Variants in RBM45 observed in about 807,000 individuals in gnomAD.
The protein encoded by RBM45 is RNA binding motif protein 45, also known as RNA-binding protein 45.
Under a neutral mutation model 58.5 loss-of-function variants are expected in RBM45, and 39 were observed. The observed-to-expected ratio is 0.67, with a 90% confidence interval of 0.52 to 0.87. The LOEUF is 0.87. Ranked by LOEUF, RBM45 falls within the 40% of genes least tolerant of loss-of-function variation. The pLI is 0.00. For missense variants in RBM45, 481 were observed against 581.6 expected (o/e 0.83, Z 1.78); for synonymous variants, 193 against 203.0 (o/e 0.95, Z 0.42).
At chr2:178,119,118 TTGTC>T (rs1178362935) in intron 3 of RBM45, among the ~76,000 whole-genome samples, 2 of 152,200 alleles carry the variant, frequency 1.3e-5, no homozygotes, top group African/African-American at 4.8e-5. Context: ...TATGCCTTAT[TTGTC>T]TGTCACTCCA....
rs777502509 is a variant in RBM45 at position 178,116,370 on chromosome 2, C to G, written c.409C>G (p.Arg137Gly). Residue 137 changes from arginine (R) to glycine (G), a missense_variant, in exon 2 of 10, where the codon CGG (arginine) becomes GGG (glycine). Arg to Gly is a moderately radical substitution (Grantham distance 125). Coordinates refer to ENST00000286070, the MANE Select transcript of RBM45 (RefSeq NM_152945.4). ...IPKSYTEEDL[R>G]EKFKVYGDIE... is the part of the protein sequence containing the mutation. ...AAAGTCCTACACAGAAGAAGATCTG[C>G]GGGAAAAATTTAAGGTATTTATTCT... 1 of 1,602,950 alleles carries G rather than the reference C, an allele frequency of 6.2e-7. No individual in the cohort carries two copies. Among genetic ancestry groups the G allele is most frequent in the African/African-American group, 1.4e-5 (1 of 73,828 alleles).
chr2:178,129,481 T>C lies in RBM45; in HGVS notation c.*93T>C, dbSNP rs15515. 1 of 152,620 alleles carries C rather than the reference T, an allele frequency of 6.6e-6. No homozygotes were observed. Among genetic ancestry groups the C allele is most frequent in the South Asian group, 2.1e-4 (1 of 4,834 alleles). 9.5% of individuals were successfully genotyped at this position (152,620 alleles called of 1,614,324 possible). A position where few individuals can be genotyped will look rare whatever the true frequency, so the allele number is the denominator to read the frequency against. Reference sequence around the variant, plus strand: ...ATTCCCTGTGGACAGTTGACAGCTTTTTTTTTTTCCATATACCTGATAGTC... The same window carrying C: ...ATTCCCTGTGGACAGTTGACAGCTTCTTTTTTTTCCATATACCTGATAGTC... On this transcript the variant is annotated 3_prime_UTR_variant, in exon 10 of 10. Transcript: ENST00000286070.
chr2:178,122,924 A>G (rs1040591454), intron 5 of RBM45, among the ~76,000 whole-genome samples: 1 of 152,192 alleles, frequency 6.6e-6, no homozygotes, highest in African/African-American at 2.4e-5. Flanking sequence ...GGAATGCATT[A>G]TAACATTGTC....
chr2:178,116,098 G>C (rs1377019717), intron 1 of RBM45, among the ~76,000 whole-genome samples, 164 bp from the exon 2 acceptor site: 4 of 151,870 alleles, frequency 2.6e-5, no homozygotes, highest in Non-Finnish European at 5.9e-5. Context: ...ACTGCCGTGA[G>C]CCATGATCAC....
Position 178,121,168 on chromosome 2 carries a change from A to T in RBM45, c.674-12A>T. 7.2e-7 allele frequency: 1 copy of T among 1,389,086 alleles called. No individual in the cohort carries two copies. Among genetic ancestry groups the T allele is most frequent in the South Asian group, 1.3e-5 (1 of 77,906 alleles). 86.0% of individuals were successfully genotyped at this position (1,389,086 alleles called of 1,614,324 possible). On this transcript the variant is annotated splice_polypyrimidine_tract_variant and intron_variant, in intron 4 of 9. Transcript: ENST00000286070. ...GAAATCTAAAGATTTACTTTTTTTT[A>T]TATTGTCGGAGAACAACAATCTGAA... is the stretch of plus-strand genomic sequence containing the variant.
At chr2:178,135,273 G>C (rs367661768) in intron 3 of RBM45, among the ~76,000 whole-genome samples, 5 of 152,184 alleles carry the variant, frequency 3.3e-5, no homozygotes, top group African/African-American at 1.2e-4. Flanking sequence ...AGCTGCTTTG[G>C]CAATATCAAG....
At chr2:178,123,784 T>G (rs1165876204) in intron 6 of RBM45, 44 bp from the exon 7 acceptor site, 5 of 1,606,690 alleles carry the variant, frequency 3.1e-6, no homozygotes, top group Non-Finnish European at 4.3e-6. Context: ...GTTAAAAGAC[T>G]GAATATTTTT....
rs1344630620 is a variant in RBM45, at chr2:178,120,554, T to C, written c.673+145T>C. 1.3e-5 allele frequency: 9 copies of C among 680,498 alleles called. 1 individual carries two copies. The Admixed American group carries it at 2.9e-4, about 22-fold the overall frequency. The allele number at this position is 680,498 out of a possible 1,614,324, so 42.2% of individuals were successfully genotyped here. A position where few individuals can be genotyped will look rare whatever the true frequency, so the allele number is the denominator to read the frequency against. ...ATGTAGTTTTTTTATTCCTAAAATG[T>C]GGATTATGACTCCTAAAGTTCTTAA... is the stretch of plus-strand genomic sequence containing the variant. On this transcript the variant is annotated intron_variant, in intron 4 of 9. Coordinates refer to ENST00000286070, the MANE Select transcript of RBM45 (RefSeq NM_152945.4).
At chr2:178,124,691 G>C (rs1209581027) in intron 8 of RBM45, among the ~76,000 whole-genome samples, 1 of 152,174 alleles carries the variant, frequency 6.6e-6, no homozygotes, top group African/African-American at 2.4e-5. Context: ...GTACATGCCT[G>C]TGGTCGCAGA....
chr2:178,124,181 C>G lies in RBM45; in HGVS notation c.1123C>G (p.Leu375Val). Residue 375 changes from leucine to valine, a missense_variant, in exon 8 of 10, where the codon CTT becomes GTT. By Grantham distance (32) the Leu-to-Val change is conservative. Transcript: ENST00000286070. ...QLPQIQTDVV[L>V]PSCKKKAPAE... ...GCCTCAAATCCAGACAGATGTTGTA[C>G]TTCCATCATGCAAAAAAAAAGCTCC... 1.2e-6 allele frequency: 2 copies of G among 1,610,456 alleles called. No individual in the cohort carries two copies. Among genetic ancestry groups the G allele is most frequent in the Non-Finnish European group, 1.7e-6 (2 of 1,178,980 alleles).
intron 3 of RBM45, among the ~76,000 whole-genome samples, chr2:178,135,520 A>G (rs938700052): frequency 3.3e-5 from 5 of 152,244 alleles, no homozygotes; most frequent in Admixed American, 1.3e-4. Context: ...GTCTTATTTT[A>G]CTATGATAAC....
exon 4 of RBM45, chr2:178,137,561 C>T (rs1276568815): frequency 6.6e-6 from 1 of 152,174 alleles, no homozygotes; most frequent in Non-Finnish European, 1.5e-5. Flanking sequence ...AGGAATCTCA[C>T]AAACATAATG....
Position 178,120,391 on chromosome 2 carries a change from G to T in RBM45, c.655G>T (p.Val219Leu). The T allele has an allele frequency of 6.2e-7, 1 of 1,610,902 alleles. No homozygotes were observed. Among genetic ancestry groups the T allele is most frequent in the South Asian group, 1.1e-5 (1 of 90,180 alleles). Reference protein sequence around the residue: ...RQEALGHEPRVNMFPFEQQSE... With the variant: ...RQEALGHEPRLNMFPFEQQSE... ...AGAAGCTTTGGGACATGAACCTAGAGTAAATATGTTTCCATTTGGTAAGTA... is the reference window on the plus strand; with the variant it reads ...AGAAGCTTTGGGACATGAACCTAGATTAAATATGTTTCCATTTGGTAAGTA... Residue 219 changes from valine (V) to leucine (L), a missense_variant, in exon 4 of 10, where the codon GTA becomes TTA. By Grantham distance (32) the Val-to-Leu change is conservative. Transcript: ENST00000286070.
At chr2:178,128,572 A>G (rs1256734274) in intron 9 of RBM45, among the ~76,000 whole-genome samples, 1 of 152,160 alleles carries the variant, frequency 6.6e-6, no homozygotes, top group African/African-American at 2.4e-5. Context: ...AACTCATCCA[A>G]TTTCCTACAT....
intron 4 of RBM45, 136 bp from the exon 5 acceptor site, chr2:178,121,044 T>C: frequency 2.2e-6 from 1 of 447,250 alleles, no homozygotes; most frequent in Non-Finnish European, 4.0e-6. Flanking sequence ...TCGGTAGTTC[T>C]GATGACCAGA....
intron 2 of RBM45, among the ~76,000 whole-genome samples, chr2:178,116,806 C>T (rs2087783189): frequency 1.3e-5 from 2 of 151,696 alleles, no homozygotes; most frequent in Admixed American, 1.3e-4. Flanking sequence ...CATGTAGAGG[C>T]GAATCAGGCA....
rs1477586184 is a variant in RBM45, at chr2:178,120,323, C to T, written c.587C>T (p.Ala196Val). 14 of 1,613,012 alleles carry T rather than the reference C, an allele frequency of 8.7e-6. No homozygotes were observed. Among genetic ancestry groups the T allele is most frequent in the Non-Finnish European group, 1.1e-5 (13 of 1,179,518 alleles). ...RAILAEPKNK[A>V]SESSEQDYYS... is the part of the protein sequence containing the mutation. Reference sequence around the variant, plus strand: ...ATCTTGGCTGAACCTAAAAATAAAGCATCTGAATCCTCTGAACAAGATTAT... The same window carrying T: ...ATCTTGGCTGAACCTAAAAATAAAGTATCTGAATCCTCTGAACAAGATTAT... Residue 196 changes from alanine to valine, a missense_variant, in exon 4 of 10, where the codon GCA becomes GTA. Physicochemically the swap from Ala to Val is moderately conservative, Grantham distance 64. Coordinates refer to ENST00000286070, the MANE Select transcript of RBM45 (RefSeq NM_152945.4).
chr2:178,129,859 G>A (rs1446903554), downstream of RBM45, among the ~76,000 whole-genome samples: 1 of 152,102 alleles, frequency 6.6e-6, no homozygotes, highest in African/African-American at 2.4e-5. Context: ...ACATGAAAAG[G>A]TGCTTTTTTC....
In RBM45 at chr2:178,117,000, G is replaced by A. The variant is rs533907231; in HGVS notation, c.423+616G>A. Among the ~76,000 whole-genome samples the A allele has an allele frequency of 4.6e-4, 70 of 152,194 alleles. No individual in the cohort carries two copies. The South Asian group carries it at 6.6e-3, about 14-fold the overall frequency. The stretch of plus-strand genomic sequence containing the variant: ...TCTGACCTATATAAGTGAAATTTGA[G>A]GATAATTTTATGTCTTTTTAGCCAT... On this transcript the variant is annotated intron_variant, in intron 2 of 9. Transcript: ENST00000286070.
Sources: gnomAD v4.1 joint callset for allele counts (sites outside exome capture counted in the v4.1 genomes callset) on GRCh38, gnomAD v4.1.1 for gene constraint, MANE v1.5 for transcripts, NCBI Gene and HGNC (gene_info 2026-07-23, HGNC 2026-07-21) for gene names.